The following AGFG2 variants were observed in gnomAD, a reference collection of about 807,000 sequenced individuals.
The protein encoded by AGFG2 is ArfGAP with FG repeats 2.
AGFG2 carries 31 observed loss-of-function variants against 48.0 expected under a neutral mutation model. The observed-to-expected ratio is 0.65, with a 90% CI of 0.49 to 0.87. AGFG2 has a LOEUF of 0.87. Among genes scored for constraint, AGFG2 ranks in the 40% least tolerant of loss-of-function variants. The pLI, the probability that AGFG2 is intolerant of heterozygous loss-of-function variation, is 0.00. For missense variants in AGFG2, 599 were observed against 632.6 expected, an observed-to-expected ratio of 0.95 and a Z score of 0.57; for synonymous variants, 229 against 260.8, an observed-to-expected ratio of 0.88 and a Z score of 1.18.
chr7:100,563,424 A>G (rs1800924681), intron 9 of AGFG2, among the ~76,000 whole-genome samples: 2 of 152,246 alleles, frequency 1.3e-5, no homozygotes, highest in South Asian at 4.1e-4. Context: ...GAATAAGAGC[A>G]AACACAGAAG....
At chr7:100,563,302 C>G (rs1800919633) in intron 9 of AGFG2, among the ~76,000 whole-genome samples, 2 of 152,234 alleles carry the variant, frequency 1.3e-5, no homozygotes, top group Non-Finnish European at 2.9e-5. Flanking sequence ...CACGCTGTTC[C>G]CTGCTTCCAT....
chr7:100,554,030 C>A, intron 4 of AGFG2, 63 bp from the exon 5 acceptor site: 6 of 1,547,280 alleles, frequency 3.9e-6, no homozygotes, highest in Non-Finnish European at 5.2e-6. Flanking sequence ...ACCTGGGGAG[C>A]CAGAGGAGGG....
intron 1 of AGFG2, 113 bp downstream of exon 1, chr7:100,539,680 G>A: frequency 1.1e-6 from 1 of 889,656 alleles, no homozygotes; most frequent in Non-Finnish European, 1.5e-6. Context: ...GGGCGGAGGG[G>A]AGGTCAGGGA....
Position 100,562,221 on chromosome 7 carries a change from C to T in AGFG2, c.878-38C>T, listed in dbSNP as rs763676960. 1 of 1,604,942 alleles carries T rather than the reference C, an allele frequency of 6.2e-7. No homozygotes were observed. Among genetic ancestry groups the T allele is most frequent in the South Asian group, 1.1e-5 (1 of 90,506 alleles). On this transcript the variant is annotated intron_variant, in intron 6 of 11. Transcript: ENST00000300176. This position sits in a 1 kb window ranked among gnomAD's most constrained non-coding sequence, Gnocchi z 5.4. Reference sequence around the variant, plus strand: ...CTCCTGCCCCTCCCGCCCTGTCTTACCTCAGCTCTCCCTGTTGTATTTTCC... The same window carrying T: ...CTCCTGCCCCTCCCGCCCTGTCTTATCTCAGCTCTCCCTGTTGTATTTTCC...
intron 6 of AGFG2, among the ~76,000 whole-genome samples, chr7:100,558,351 CCTT>C (rs941721567): frequency 3.3e-5 from 5 of 152,122 alleles, no homozygotes; most frequent in African/African-American, 9.6e-5. Context: ...GGGAAAATGA[CCTT>C]CTTGTGCGCT....
At chr7:100,560,943 T>G (rs1156437149) in intron 6 of AGFG2, among the ~76,000 whole-genome samples, 2 of 146,080 alleles carry the variant, frequency 1.4e-5, no homozygotes, top group Non-Finnish European at 3.0e-5. Context: ...TCCTGAGTAG[T>G]TGGAACTACA....
intron 6 of AGFG2, among the ~76,000 whole-genome samples, chr7:100,558,329 A>C (rs552767354): frequency 6.6e-6 from 1 of 152,300 alleles, no homozygotes; most frequent in South Asian, 2.1e-4. Context: ...GATAATGGCC[A>C]GTATTATGTG....
At chr7:100,558,115 G>A (rs1800793196) in intron 6 of AGFG2, among the ~76,000 whole-genome samples, 2 of 152,168 alleles carry the variant, frequency 1.3e-5, no homozygotes, top group South Asian at 4.1e-4. Context: ...TTGGGAGGCT[G>A]AGGCAGGAGA....
chr7:100,540,080 T>A (rs1326438958), intron 1 of AGFG2, among the ~76,000 whole-genome samples: 3 of 149,702 alleles, frequency 2.0e-5, no homozygotes, highest in African/African-American at 7.4e-5. Context: ...AGAAGCCAGC[T>A]GAAACTTGGT....
chr7:100,565,262 T>G lies in AGFG2; in HGVS notation c.*271T>G. 1.8e-6 allele frequency: 1 copy of G among 544,876 alleles called. No individual in the cohort carries two copies. Among genetic ancestry groups the G allele is most frequent in the Non-Finnish European group, 3.3e-6 (1 of 302,214 alleles). The allele number at this position is 544,876 out of a possible 1,614,324, so 33.8% of individuals were successfully genotyped here. On this transcript the variant is annotated 3_prime_UTR_variant, in exon 12 of 12. Transcript: ENST00000300176. Reference sequence around the variant, plus strand: ...GGAGTGATGGTTGAGGGGGAGGGATTTTTTTCAAATGATCAGTCCCCTGTG... The same window carrying G: ...GGAGTGATGGTTGAGGGGGAGGGATGTTTTTCAAATGATCAGTCCCCTGTG...
intron 6 of AGFG2, chr7:100,556,199 T>C: frequency 4.9e-6 from 1 of 205,778 alleles, no homozygotes; most frequent in Non-Finnish European, 1.0e-5. Context: ...CCTGCAATCC[T>C]AACACTTTGG....
At chr7:100,554,341 C>T (rs1562793376) in intron 5 of AGFG2, 83 bp downstream of exon 5, 1 of 1,470,604 alleles carries the variant, frequency 6.8e-7, no homozygotes, top group Non-Finnish European at 9.1e-7. Context: ...GTAACCATGG[C>T]TCTAGATCTT....
chr7:100,545,776 G>A (rs550859777), intron 1 of AGFG2, among the ~76,000 whole-genome samples: 2 of 152,292 alleles, frequency 1.3e-5, no homozygotes, highest in East Asian at 1.9e-4. Context: ...CATCTGGTCC[G>A]CTGCATGACC....
At position 100,566,078 on chromosome 7, in the gene AGFG2, G is replaced by C. The variant is rs1031287639; in HGVS notation, c.*1087G>C. 6.6e-6 allele frequency: 1 copy of C among 152,504 alleles called. No homozygotes were observed. Among genetic ancestry groups the C allele is most frequent in the Admixed American group, 6.5e-5 (1 of 15,278 alleles). The allele number at this position is 152,504 out of a possible 1,614,324, so 9.4% of individuals were successfully genotyped here. ...GACTGATCCTTGACCTGGCTCTGCT[G>C]GGCTGGACTGCCTGGGCCAGTGATA... is the stretch of plus-strand genomic sequence containing the variant. On this transcript the variant is annotated 3_prime_UTR_variant, in exon 12 of 12. Coordinates refer to ENST00000300176, the MANE Select transcript of AGFG2 (RefSeq NM_006076.5).
chr7:100,551,053 TATATATATA>T (rs1401670794), intron 3 of AGFG2, among the ~76,000 whole-genome samples: 58 of 86,390 alleles, frequency 6.7e-4, no homozygotes, highest in African/African-American at 2.1e-3. Flanking sequence ...TATATATATA[TATATATATA>T]TATATTTCTT....
At chr7:100,544,022 T>TA (rs1444961407) in intron 1 of AGFG2, among the ~76,000 whole-genome samples, 3 of 152,238 alleles carry the variant, frequency 2.0e-5, no homozygotes, top group Non-Finnish European at 4.4e-5. Context: ...AAATTGCTGC[T>TA]AAAAAGCATC....
chr7:100,553,391 G>A lies in AGFG2; in HGVS notation c.476G>A (p.Gly159Asp). The A allele has an allele frequency of 6.2e-7, 1 of 1,614,182 alleles. No homozygotes were observed. Among genetic ancestry groups the A allele is most frequent in the Non-Finnish European group, 8.5e-7 (1 of 1,180,030 alleles). The change falls in exon 4 of 12, where the codon GGC becomes GAC. Residue 159 changes from glycine to aspartate, a missense_variant. Coordinates refer to ENST00000300176, the MANE Select transcript of AGFG2 (RefSeq NM_006076.5). ...GTCAAGGGGCCCACTTATACCAAAG[G>A]CAGTGCCTCCACCCCTGTGCAGGGC... The part of the protein sequence containing the change: ...DQVKGPTYTK[G>D]SASTPVQGSI...
chr7:100,565,086 C>A lies in AGFG2; in HGVS notation c.*95C>A. The stretch of plus-strand genomic sequence containing the variant: ...CTTGCCTGTGGGCATTTCTATGGGC[C>A]TTGGGGATGGTGGAGGTGCTAATGC... On this transcript the variant is annotated 3_prime_UTR_variant, in exon 12 of 12. Coordinates refer to ENST00000300176, the MANE Select transcript of AGFG2 (RefSeq NM_006076.5). 2 of 1,388,228 alleles carry A rather than the reference C, an allele frequency of 1.4e-6. No individual in the cohort carries two copies. Among genetic ancestry groups the A allele is most frequent in the South Asian group, 1.2e-5 (1 of 86,272 alleles). 86.0% of individuals were successfully genotyped at this position (1,388,228 alleles called of 1,614,324 possible). A position where few individuals can be genotyped will look rare whatever the true frequency, so the allele number is the denominator to read the frequency against.
intron 5 of AGFG2, among the ~76,000 whole-genome samples, chr7:100,555,262 G>GTT (rs1462102629): frequency 3.9e-5 from 5 of 127,884 alleles, no homozygotes; most frequent in Non-Finnish European, 8.2e-5. Context: ...GTGTGTGTGT[G>GTT]GTTTTTTTTT....
Sources: allele counts gnomAD v4.1 joint callset (sites outside exome capture counted in the v4.1 genomes callset), GRCh38; gene constraint gnomAD v4.1.1; non-coding constraint Gnocchi (gnomAD v3.1); transcripts MANE v1.5; gene names NCBI Gene and HGNC (gene_info 2026-07-23, HGNC 2026-07-21).